ARHGAP39: variants seen among roughly 807,000 people sequenced by gnomAD.
The protein encoded by ARHGAP39 is Rho GTPase activating protein 39.
Under a neutral mutation model 106.9 loss-of-function variants are expected in ARHGAP39, and 44 were observed. The ratio of observed to expected loss-of-function variants is 0.41; its 90% CI spans 0.32 to 0.53. The LOEUF (loss-of-function observed/expected upper bound fraction) is 0.53, where lower values mean the gene tolerates loss of function less well. Ranked by LOEUF, ARHGAP39 falls within the 20% of genes least tolerant of loss-of-function variation. The probability of loss-of-function intolerance (pLI) is 0.21; values close to 1 mark genes in which losing one functional copy is unlikely to be tolerated. For synonymous variants in ARHGAP39, 768 were observed against 693.2 expected, an observed-to-expected ratio of 1.11 and a Z score of -1.69; for missense variants, 1,496 against 1,577.3, an observed-to-expected ratio of 0.95 and a Z score of 0.87.
intron 3 of ARHGAP39, among the ~76,000 whole-genome samples, 186 bp downstream of exon 3, chr8:144,580,660 T>C (rs867487741): frequency 4.4e-4 from 62 of 140,508 alleles, no homozygotes; most frequent in Non-Finnish European, 7.1e-4. Flanking sequence ...CGCTCTCACG[T>C]GGCCCCGCCC....
At chr8:144,682,318 G>GA (rs1822445575) in intron 1 of ARHGAP39, among the ~76,000 whole-genome samples, 1 of 149,480 alleles carries the variant, frequency 6.7e-6, no homozygotes, top group Non-Finnish European at 1.5e-5. Context: ...GGGAGGCTGA[G>GA]GCGGGTGGAT....
chr8:144,688,213 C>T (rs1225922027), upstream of ARHGAP39, among the ~76,000 whole-genome samples: 3 of 151,454 alleles, frequency 2.0e-5, no homozygotes, highest in Admixed American at 2.0e-4. Context: ...AAGCAATTCT[C>T]CTGCCTCAAC....
At chr8:144,651,004 G>A (rs997301195) in intron 1 of ARHGAP39, among the ~76,000 whole-genome samples, 7 of 152,134 alleles carry the variant, frequency 4.6e-5, no homozygotes, top group African/African-American at 1.2e-4. Context: ...AAACCCCATC[G>A]TCTCAGCCCA....
At chr8:144,656,130 A>G (rs1821685915) in intron 1 of ARHGAP39, among the ~76,000 whole-genome samples, 1 of 151,992 alleles carries the variant, frequency 6.6e-6, no homozygotes, top group Non-Finnish European at 1.5e-5. Flanking sequence ...AGGCAAAAAG[A>G]TAATACTGGA....
intron 1 of ARHGAP39, among the ~76,000 whole-genome samples, chr8:144,642,506 A>G (rs1821337690): frequency 6.6e-6 from 1 of 150,522 alleles, no homozygotes; most frequent in Non-Finnish European, 1.5e-5. Flanking sequence ...AAAATAGATA[A>G]AAATTAAAAA....
intron 3 of ARHGAP39, among the ~76,000 whole-genome samples, chr8:144,577,332 A>T: frequency 6.6e-6 from 1 of 152,240 alleles, no homozygotes; most frequent in Admixed American, 6.5e-5. Context: ...GATAGACTGA[A>T]GGAGAGAAAC....
chr8:144,605,526 G>C lies in ARHGAP39; in HGVS notation c.80+9C>G. ...CCCGGGCAGCTCCGCAGGTCGGTCG[G>C]CTCCTTACCGAGTGTTCGACCCTGG... is the stretch of plus-strand genomic sequence containing the variant. On this transcript the variant is annotated intron_variant, in intron 2 of 11. Coordinates refer to ENST00000377307, the MANE Select transcript of ARHGAP39 (RefSeq NM_025251.3). 1.2e-6 allele frequency: 2 copies of C among 1,613,846 alleles called. No individual in the cohort carries two copies. The highest frequency in any genetic ancestry group is 1.3e-5 in the African/African-American group (1 of 75,048).
intron 2 of ARHGAP39, among the ~76,000 whole-genome samples, chr8:144,582,397 C>T (rs940907359): frequency 3.3e-5 from 5 of 152,248 alleles, no homozygotes; most frequent in East Asian, 1.9e-4. Context: ...AGTCTGTCCC[C>T]GCCACCCCCA....
In ARHGAP39 at chr8:144,608,514, G is replaced by T. The variant is rs186014282; in HGVS notation, c.-81-2819C>A. 6.6e-5 allele frequency among the ~76,000 whole-genome samples: 10 copies of T among 152,218 alleles called. 1 individual carries two copies. Among genetic ancestry groups the T allele is most frequent in the African/African-American group, 2.4e-4 (10 of 41,546 alleles). On this transcript the variant is annotated intron_variant, in intron 1 of 11. Transcript: ENST00000377307. ...CGCCACAGTGAGTCCAAATGCACCG[G>T]GTCTGCAATCAGGCACTGCGAGTCC... is the stretch of plus-strand genomic sequence containing the variant.
At chr8:144,613,670 AC>A (rs1820554451) in intron 1 of ARHGAP39, among the ~76,000 whole-genome samples, 1 of 151,668 alleles carries the variant, frequency 6.6e-6, no homozygotes, top group Non-Finnish European at 1.5e-5. Context: ...GTTTTGAGTA[AC>A]TCGATGATGA....
intron 4 of ARHGAP39, among the ~76,000 whole-genome samples, chr8:144,552,818 G>A (rs1310652774): frequency 1.3e-5 from 2 of 151,608 alleles, no homozygotes; most frequent in Admixed American, 1.3e-4. Flanking sequence ...TTTTCCCTGA[G>A]CGAACTGCAT....
At chr8:144,575,000 C>A (rs1332710759) in intron 3 of ARHGAP39, among the ~76,000 whole-genome samples, 3 of 152,166 alleles carry the variant, frequency 2.0e-5, no homozygotes, top group Non-Finnish European at 2.9e-5. Flanking sequence ...AGCCTATTGC[C>A]CCCAGGCTAC....
chr8:144,651,272 A>G (rs936819943), intron 1 of ARHGAP39, among the ~76,000 whole-genome samples: 1 of 152,226 alleles, frequency 6.6e-6, no homozygotes. Flanking sequence ...AAACAAACAG[A>G]AAAACATCCC....
intron 3 of ARHGAP39, among the ~76,000 whole-genome samples, chr8:144,562,249 C>A (rs1818208826): frequency 1.2e-5 from 1 of 83,074 alleles, no homozygotes; most frequent in African/African-American, 3.0e-5. Context: ...CCATCACACT[C>A]CAGTGGTTTC....
At chr8:144,621,535 G>A (rs564838385) in intron 1 of ARHGAP39, among the ~76,000 whole-genome samples, 5 of 152,362 alleles carry the variant, frequency 3.3e-5, no homozygotes, top group Admixed American at 6.5e-5. Flanking sequence ...GGAAGACAGT[G>A]GTGAATGTAA....
intron 3 of ARHGAP39, among the ~76,000 whole-genome samples, chr8:144,571,537 T>C (rs554609593): frequency 6.6e-6 from 1 of 152,334 alleles, no homozygotes; most frequent in Admixed American, 6.5e-5. Context: ...AATATCATAC[T>C]GAATGGGCAA....
chr8:144,531,032 C>T (rs1178512409), intron 10 of ARHGAP39, among the ~76,000 whole-genome samples, 161 bp from the exon 11 acceptor site: 8 of 152,242 alleles, frequency 5.3e-5, no homozygotes, highest in Admixed American at 3.9e-4. Flanking sequence ...GCCCTGACCC[C>T]AGAGGGCCTT....
In ARHGAP39 at chr8:144,679,330, G is replaced by A. The variant is rs1822329124; in HGVS notation, c.-82+6356C>T. ...CACCCTGCTTTGGTCCGTGGACCCT[G>A]AGATGCCAGTCCAGGATGGTGCCGG... On this transcript the variant is annotated intron_variant, in intron 1 of 11. Coordinates refer to ENST00000377307, the MANE Select transcript of ARHGAP39 (RefSeq NM_025251.3). The surrounding 1 kb of genome is among the most constrained non-coding windows in gnomAD (Gnocchi z 4.7). 1.3e-5 allele frequency among the ~76,000 whole-genome samples: 2 copies of A among 152,190 alleles called. No individual in the cohort carries two copies. The highest frequency in any genetic ancestry group is 4.8e-5 in the African/African-American group (2 of 41,446).
At position 144,537,793 on chromosome 8, in the gene ARHGAP39, G is replaced by C; in HGVS notation, c.2542C>G (p.Leu848Val). Residue 848 changes from leucine to valine, a missense_variant, in exon 7 of 12, where the codon CTC becomes GTC. This residue lies in a region of ARHGAP39 where 470 missense variants were observed against 605.1 expected (regional missense o/e 0.78). Transcript: ENST00000377307. ...TTCTTCTTAGTGTTTCTTTCCAGGA[G>C]CTCTTTTATGTGCTGTGTCACTGGG... ...DTKVTQHIKE[L>V]LERNTKKKSK... 1 of 1,614,128 alleles carries C rather than the reference G, an allele frequency of 6.2e-7. No homozygotes were observed. The highest frequency in any genetic ancestry group is 8.5e-7 in the Non-Finnish European group (1 of 1,179,996).
Sources: allele counts gnomAD v4.1 joint callset (sites outside exome capture counted in the v4.1 genomes callset), GRCh38; gene constraint gnomAD v4.1.1; regional missense constraint gnomAD v4.1.1; non-coding constraint Gnocchi (gnomAD v3.1); transcripts MANE v1.5; gene names NCBI Gene and HGNC (gene_info 2026-07-23, HGNC 2026-07-21).